ZNF554: variants seen among roughly 807,000 people sequenced by gnomAD.
ZNF554 encodes the protein zinc finger protein 554.
ZNF554 carries 15 observed loss-of-function variants against 21.2 expected under a neutral mutation model. That is an observed-to-expected ratio of 0.71 (90% CI 0.47 to 1.09). ZNF554 has a LOEUF of 1.09. Among genes scored for constraint, ZNF554 ranks in the 50% least tolerant of loss-of-function variants. ZNF554 has a pLI of 0.00. For synonymous variants in ZNF554, 258 were observed against 251.4 expected (o/e 1.03, Z -0.25); for missense variants, 691 against 662.7 (o/e 1.04, Z -0.47).
In ZNF554 at chr19:2,820,132, C is replaced by A; in HGVS notation, c.53+8C>A. On this transcript the variant is annotated splice_region_variant and intron_variant, in intron 1 of 4. Transcript: ENST00000317243. ...GCTCCCGGCAGCTCAGCCGTAAGTG[C>A]CGCCGCCTCCCGCGCCGCGACCTCC... The A allele has an allele frequency of 8.2e-7, 1 of 1,218,856 alleles. No individual in the cohort carries two copies. The highest frequency in any genetic ancestry group is 1.0e-6 in the Non-Finnish European group (1 of 979,504). The allele number at this position is 1,218,856 out of a possible 1,614,324, so 75.5% of individuals were successfully genotyped here.
chr19:2,823,006 T>C (rs372857412), intron 1 of ZNF554, 34 bp from the exon 2 acceptor site: 1 of 1,606,002 alleles, frequency 6.2e-7, no homozygotes, highest in Non-Finnish European at 8.5e-7. Context: ...CTGGCCTGGA[T>C]CTGGTATTCG....
chr19:2,828,935 G>A (rs2087374634), intron 3 of ZNF554, among the ~76,000 whole-genome samples: 1 of 152,142 alleles, frequency 6.6e-6, no homozygotes, highest in African/African-American at 2.4e-5. Flanking sequence ...GACACGTGGG[G>A]ATTACGATTG....
chr19:2,823,182 TCCTCGATAGAGGAGA>T lies in ZNF554; in HGVS notation c.126+73_126+87del. 4.0e-6 allele frequency: 6 copies of T among 1,493,646 alleles called. No individual in the cohort carries two copies. In the Admixed American group the frequency reaches 9.3e-5, roughly 23 times the overall value. The allele number at this position is 1,493,646 out of a possible 1,614,324, so 92.5% of individuals were successfully genotyped here. ...GGGAACAATCCCACCAGAAACTCAG[TCCTCGATAGAGGAGA>T]CCCCTTGCTATGTGAAAGTTCAGGA... On this transcript the variant is annotated intron_variant, in intron 2 of 4. Transcript: ENST00000317243.
Position 2,820,136 on chromosome 19 carries a change from C to A in ZNF554, c.53+12C>A. 8.2e-7 allele frequency: 1 copy of A among 1,219,146 alleles called. No individual in the cohort carries two copies. The allele number at this position is 1,219,146 out of a possible 1,614,324, so 75.5% of individuals were successfully genotyped here. The stretch of plus-strand genomic sequence containing the variant: ...CCGGCAGCTCAGCCGTAAGTGCCGC[C>A]GCCTCCCGCGCCGCGACCTCCGTGC... On this transcript the variant is annotated intron_variant, in intron 1 of 4. Transcript: ENST00000317243.
intron 3 of ZNF554, among the ~76,000 whole-genome samples, chr19:2,830,386 G>A (rs979229603): frequency 2.0e-5 from 3 of 152,112 alleles, no homozygotes; most frequent in Non-Finnish European, 2.9e-5. Context: ...TATACAACAC[G>A]CTGTGTCCAT....
At position 2,820,884 on chromosome 19, in the gene ZNF554, C is replaced by G. The variant is rs571506186; in HGVS notation, c.53+760C>G. Among the ~76,000 whole-genome samples, 50 of 150,850 alleles carry G rather than the reference C, an allele frequency of 3.3e-4. 1 individual carries two copies. Among genetic ancestry groups the G allele is most frequent in the South Asian group, 6.3e-4 (3 of 4,786 alleles). ...TTCACCATGTTGGCCAGGCTGGTCT[C>G]GAACTCCCACCTCAGGTGATCCACC... On this transcript the variant is annotated intron_variant, in intron 1 of 4. Transcript: ENST00000317243.
chr19:2,826,359 ACGAT>A (rs1386840385), intron 2 of ZNF554: 67 of 151,476 alleles, frequency 4.4e-4, no homozygotes, highest in African/African-American at 1.6e-3. Flanking sequence ...ACGTGCCACC[ACGAT>A]TGGCTGATTT....
At chr19:2,827,175 A>G (rs1377730203) in intron 2 of ZNF554, among the ~76,000 whole-genome samples, 3 of 152,220 alleles carry the variant, frequency 2.0e-5, no homozygotes, top group African/African-American at 4.8e-5. Flanking sequence ...CACACTTTGG[A>G]TAAAATTCTT....
intron 2 of ZNF554, among the ~76,000 whole-genome samples, chr19:2,824,732 C>T (rs1013730282): frequency 6.6e-6 from 1 of 152,054 alleles, no homozygotes; most frequent in Non-Finnish European, 1.5e-5. Flanking sequence ...TGAACTTTAC[C>T]GTCTTAGCCG....
At position 2,832,289 on chromosome 19, in the gene ZNF554, C is replaced by A. The variant is rs200419959; in HGVS notation, c.254-14C>A. 12 of 1,568,778 alleles carry A rather than the reference C, an allele frequency of 7.6e-6. No individual in the cohort carries two copies. In the African/African-American group the frequency reaches 1.5e-4, roughly 20 times the overall value. ...TCTTGTGCTACCTCTCAAGTATACT[C>A]TTGTCTTTTTCAGAAGCCTTGAAGA... On this transcript the variant is annotated splice_polypyrimidine_tract_variant and intron_variant, in intron 3 of 4. Transcript: ENST00000317243.
rs1446554771 is a variant in ZNF554, at chr19:2,833,823, C to A, written c.588C>A (p.Pro196=). The change falls in exon 5 of 5, where the codon CCC becomes CCA. Residue 196 remains proline, a synonymous_variant. Coordinates refer to ENST00000317243, the MANE Select transcript of ZNF554 (RefSeq NM_001102651.2). ...AGTTAGAGGACAGCCATGAAGACCC[C>A]CAGGGGCTTTTGAGCCAAAAGGCAT... is the stretch of plus-strand genomic sequence containing the variant. ...WKQLEDSHED[P]QGLLSQKASL... 6.2e-7 allele frequency: 1 copy of A among 1,612,732 alleles called. No individual in the cohort carries two copies. Among genetic ancestry groups the A allele is most frequent in the Non-Finnish European group, 8.5e-7 (1 of 1,179,350 alleles).
chr19:2,823,250 G>A (rs1238735186), intron 2 of ZNF554, 138 bp downstream of exon 2: 2 of 792,524 alleles, frequency 2.5e-6, no homozygotes, highest in South Asian at 1.9e-5. Flanking sequence ...TGTGTGGGAT[G>A]AGGTACTCCT....
Position 2,834,379 on chromosome 19 carries a change from T to G in ZNF554, c.1144T>G (p.Cys382Gly). Residue 382 changes from cysteine to glycine, a missense_variant, in exon 5 of 5, where the codon TGC becomes GGC. Physicochemically the swap from Cys to Gly is radical, Grantham distance 159. Coordinates refer to ENST00000317243, the MANE Select transcript of ZNF554 (RefSeq NM_001102651.2). ...TCATACTGGAGAGAAGCCCTACGGG[T>G]GCGGTGAGTGCGGGAAAGCCTTCAA... ...RTHTGEKPYG[C>G]GECGKAFNRI... is the part of the protein sequence containing the mutation. The G allele has an allele frequency of 6.2e-7, 1 of 1,613,682 alleles. No individual in the cohort carries two copies. The highest frequency in any genetic ancestry group is 8.5e-7 in the Non-Finnish European group (1 of 1,179,926).
rs2144824642 is a variant in ZNF554 at position 2,833,728 on chromosome 19, G to T, written c.493G>T (p.Ala165Ser). The T allele has an allele frequency of 6.5e-7, 1 of 1,548,020 alleles. No homozygotes were observed. Among genetic ancestry groups the T allele is most frequent in the African/African-American group, 1.4e-5 (1 of 72,472 alleles). The stretch of plus-strand genomic sequence containing the variant: ...CCAAGACTCAACTTACAAGAAGGTG[G>T]CTTTGCAGGAGGAACCAGCCAGTGG... The part of the protein sequence containing the change: ...RNQDSTYKKV[A>S]LQEEPASGIN... Residue 165 changes from alanine to serine, a missense_variant, in exon 5 of 5, where the codon GCT becomes TCT. Transcript: ENST00000317243.
At position 2,833,905 on chromosome 19, in the gene ZNF554, G is replaced by A. The variant is rs200127251; in HGVS notation, c.670G>A (p.Glu224Lys). ...EKATAWHGFG[E>K]NGNLSPALVL... ...GGCTACTGCATGGCATGGATTTGGG[G>A]AAAATGGTAATCTGAGCCCAGCCCT... Residue 224 changes from glutamate (E) to lysine (K), a missense_variant, in exon 5 of 5, where the codon GAA (glutamate) becomes AAA (lysine). Transcript: ENST00000317243. 81 of 1,613,992 alleles carry A rather than the reference G, an allele frequency of 5.0e-5. No homozygotes were observed. In the East Asian group the frequency reaches 1.8e-3, roughly 36 times the overall value.
Position 2,834,609 on chromosome 19 carries a change from C to T in ZNF554, c.1374C>T (p.His458=), listed in dbSNP as rs756966589. The T allele has an allele frequency of 6.2e-7, 1 of 1,614,154 alleles. No homozygotes were observed. The highest frequency in any genetic ancestry group is 1.1e-5 in the South Asian group (1 of 91,076). The change falls in exon 5 of 5, where the codon CAC becomes CAT. Residue 458 remains histidine, a synonymous_variant. Coordinates refer to ENST00000317243, the MANE Select transcript of ZNF554 (RefSeq NM_001102651.2). ...CTCTCAACCAGCACGAGCGAACTCACACGGGCGAGAACCCCTATGAATGTA... is the reference window on the plus strand; with the variant it reads ...CTCTCAACCAGCACGAGCGAACTCATACGGGCGAGAACCCCTATGAATGTA... ...RSSLNQHERT[H]TGENPYECKQ...
At chr19:2,826,222 T>TTTTTTTTTG (rs57554930) in intron 2 of ZNF554, 1 of 145,980 alleles carries the variant, frequency 6.9e-6, no homozygotes, top group Non-Finnish European at 1.5e-5. Flanking sequence ...TTTTTTTTTT[T>TTTTTTTTTG]GAAATGGAGT....
intron 3 of ZNF554, chr19:2,831,202 T>C: frequency 6.6e-6 from 1 of 152,310 alleles, no homozygotes; most frequent in South Asian, 2.1e-4. Flanking sequence ...TGGTATCTCA[T>C]TGCGGTTTTG....
rs766857739 is a variant in ZNF554 at position 2,833,819 on chromosome 19, A to AC, written c.589dup (p.Gln197ProfsTer31). On this transcript the variant is annotated frameshift_variant, in exon 5 of 5. Coordinates refer to ENST00000317243, the MANE Select transcript of ZNF554 (RefSeq NM_001102651.2). LOFTEE classifies it low-confidence loss of function (END_TRUNC). ...AAGCAGTTAGAGGACAGCCATGAAG[A>AC]CCCCCAGGGGCTTTTGAGCCAAAAG... 40 of 1,612,212 alleles carry AC rather than the reference A, an allele frequency of 2.5e-5. No homozygotes were observed. The highest frequency in any genetic ancestry group is 9.3e-6 in the Non-Finnish European group (11 of 1,179,218).
Sources: allele counts gnomAD v4.1 joint callset (sites outside exome capture counted in the v4.1 genomes callset), GRCh38; gene constraint gnomAD v4.1.1; transcripts MANE v1.5; gene names NCBI Gene and HGNC (gene_info 2026-07-23, HGNC 2026-07-21).